NRG3: variants seen among roughly 807,000 people sequenced by gnomAD.
NRG3 encodes the protein pro-neuregulin-3, membrane-bound isoform.
NRG3 carries 31 observed loss-of-function variants against 66.9 expected under a neutral mutation model. The observed-to-expected ratio is 0.46, with a 90% CI of 0.35 to 0.63. NRG3 has a LOEUF of 0.63. NRG3 is among the 20% of genes least tolerant of loss of function. The probability of loss-of-function intolerance (pLI) is 0.00; values close to 1 mark genes in which losing one functional copy is unlikely to be tolerated. For missense variants in NRG3, 910 were observed against 878.9 expected (o/e 1.04, Z -0.45); for synonymous variants, 393 against 359.4 (o/e 1.09, Z -1.06).
At chr10:81,901,393 G>A (rs1564643215) in intron 1 of NRG3, among the ~76,000 whole-genome samples, 1 of 152,194 alleles carries the variant, frequency 6.6e-6, no homozygotes, top group East Asian at 1.9e-4. Context: ...AGGGTCTGGT[G>A]CAATGACTCA....
At chr10:82,956,278 T>C (rs984409224) in intron 5 of NRG3, among the ~76,000 whole-genome samples, 2 of 152,148 alleles carry the variant, frequency 1.3e-5, no homozygotes, top group African/African-American at 2.4e-5. Context: ...GTTGGGCTAA[T>C]AGTATTCCCA....
intron 1 of NRG3, among the ~76,000 whole-genome samples, chr10:82,257,615 G>A (rs1040862758): frequency 2.0e-5 from 3 of 151,898 alleles, no homozygotes; most frequent in Admixed American, 6.6e-5. Flanking sequence ...AGAGATATAC[G>A]AAAATTAGCC....
intron 1 of NRG3, among the ~76,000 whole-genome samples, chr10:82,148,809 C>T (rs10884251): frequency 0.22 from 33,906 of 152,002 alleles, 4,239 homozygotes; most frequent in African/African-American, 0.32. Context: ...CTGAACAACC[C>T]CAATTTCTAT....
intron 2 of NRG3, among the ~76,000 whole-genome samples, chr10:82,677,062 CTTT>C (rs34914984): frequency 7.4e-6 from 1 of 135,314 alleles, no homozygotes; most frequent in Non-Finnish European, 1.6e-5. Flanking sequence ...CTCTCTCTCT[CTTT>C]TTTTTTTTTT....
chr10:82,686,279 C>T (rs1309202826), intron 2 of NRG3, among the ~76,000 whole-genome samples: 1 of 151,868 alleles, frequency 6.6e-6, no homozygotes, highest in East Asian at 1.9e-4. Flanking sequence ...CCTCTGCCTC[C>T]TGGATTCAAG....
intron 2 of NRG3, among the ~76,000 whole-genome samples, chr10:82,662,096 G>A (rs1286801295): frequency 1.3e-5 from 2 of 152,180 alleles, no homozygotes; most frequent in South Asian, 2.1e-4. Flanking sequence ...TTGATGTCAC[G>A]TTTGCTGTAC....
At chr10:81,936,875 T>A (rs1847924818) in intron 1 of NRG3, among the ~76,000 whole-genome samples, 1 of 152,164 alleles carries the variant, frequency 6.6e-6, no homozygotes, top group South Asian at 2.1e-4. Flanking sequence ...AAATTAATCA[T>A]CATGTCATGT....
intron 1 of NRG3, among the ~76,000 whole-genome samples, chr10:81,977,029 A>G (rs1356946633): frequency 3.9e-5 from 6 of 152,242 alleles, no homozygotes; most frequent in Admixed American, 3.9e-4. Context: ...TAGCACAAAT[A>G]CAACAATGGT....
intron 4 of NRG3, among the ~76,000 whole-genome samples, chr10:82,930,462 T>C (rs1847457186): frequency 6.6e-6 from 1 of 152,188 alleles, no homozygotes; most frequent in Non-Finnish European, 1.5e-5. Context: ...CTAATGACTT[T>C]TGAGTGCCTT....
chr10:82,227,977 C>G (rs763522829), intron 1 of NRG3, among the ~76,000 whole-genome samples: 1 of 152,086 alleles, frequency 6.6e-6, no homozygotes, highest in Non-Finnish European at 1.5e-5. Flanking sequence ...CATCATTTCA[C>G]TTTTTAGAGC....
At chr10:82,153,701 T>TTC (rs1281052396) in intron 1 of NRG3, among the ~76,000 whole-genome samples, 2 of 152,032 alleles carry the variant, frequency 1.3e-5, no homozygotes, top group Non-Finnish European at 2.9e-5. Flanking sequence ...GGGTTCCCTT[T>TTC]TCTCTGCCTC....
chr10:82,342,415 A>G (rs1013999040), intron 1 of NRG3, among the ~76,000 whole-genome samples: 3 of 151,992 alleles, frequency 2.0e-5, no homozygotes, highest in African/African-American at 7.2e-5. Context: ...TTTTCTCCAC[A>G]TCCTCACAAT....
intron 2 of NRG3, among the ~76,000 whole-genome samples, chr10:82,468,959 A>G (rs1165184237): frequency 1.3e-5 from 2 of 152,200 alleles, no homozygotes; most frequent in African/African-American, 2.4e-5. Context: ...TCTTGCTATC[A>G]TTGAGCATAA....
intron 1 of NRG3, among the ~76,000 whole-genome samples, chr10:82,009,243 G>A (rs571661150): frequency 5.6e-4 from 86 of 152,228 alleles, no homozygotes; most frequent in Non-Finnish European, 1.8e-4. Context: ...ATGCATTATT[G>A]CTTCCATAAG....
intron 3 of NRG3, among the ~76,000 whole-genome samples, chr10:82,809,947 T>G (rs1459708623): frequency 1.3e-5 from 2 of 152,088 alleles, no homozygotes; most frequent in African/African-American, 4.8e-5. Context: ...ACAGGTTTTT[T>G]TTTTTCTTAT....
intron 1 of NRG3, among the ~76,000 whole-genome samples, chr10:81,897,169 C>T (rs184735872): frequency 2.0e-4 from 30 of 152,064 alleles, no homozygotes; most frequent in East Asian, 7.8e-4. Context: ...AAATGGCCAG[C>T]GTGCCTGAGC....
At chr10:82,451,747 T>C (rs1189844516) in intron 2 of NRG3, among the ~76,000 whole-genome samples, 1 of 152,164 alleles carries the variant, frequency 6.6e-6, no homozygotes, top group African/African-American at 2.4e-5. Context: ...CATTTGGGTT[T>C]CTGTGCTGTA....
At chr10:82,893,595 A>C (rs1041428071) in intron 4 of NRG3, among the ~76,000 whole-genome samples, 9 of 152,112 alleles carry the variant, frequency 5.9e-5, no homozygotes. Context: ...GGCTGAGGCA[A>C]GAGAATCATT....
At chr10:81,877,954 T>C (rs1564627000) in intron 1 of NRG3, 2 of 1,537,652 alleles carry the variant, frequency 1.3e-6, no homozygotes, top group Non-Finnish European at 1.7e-6. Flanking sequence ...ATGCAGTTGA[T>C]AGAATAATGG....
Sources: allele counts gnomAD v4.1 joint callset (sites outside exome capture counted in the v4.1 genomes callset), GRCh38; gene constraint gnomAD v4.1.1; transcripts MANE v1.5; gene names NCBI Gene and HGNC (gene_info 2026-07-23, HGNC 2026-07-21).